Variants in PTPRT observed in about 807,000 individuals in gnomAD.
PTPRT encodes protein tyrosine phosphatase receptor type T.
Under a neutral mutation model 176.8 loss-of-function variants are expected in PTPRT, and 56 were observed. The ratio of observed to expected loss-of-function variants is 0.32; its 90% CI spans 0.26 to 0.40. The LOEUF (loss-of-function observed/expected upper bound fraction) is 0.40. Ranked by LOEUF, PTPRT falls within the 10% of genes least tolerant of loss-of-function variation. The pLI, the probability that PTPRT is intolerant of heterozygous loss-of-function variation, is 1.00. For synonymous variants in PTPRT, 783 were observed against 739.0 expected (o/e 1.06, Z -0.96); for missense variants, 1,540 against 1,908.2 (o/e 0.81, Z 3.60).
At chr20:42,688,577 G>A (rs1176648274) in intron 6 of PTPRT, 1 of 152,138 alleles carries the variant, frequency 6.6e-6, no homozygotes, top group East Asian at 1.9e-4. Flanking sequence ...GTGTGATTTA[G>A]GGTTTCCCTC....
intron 2 of PTPRT, among the ~76,000 whole-genome samples, chr20:42,860,930 G>T (rs187315207): frequency 6.6e-6 from 1 of 152,092 alleles, no homozygotes; most frequent in East Asian, 1.9e-4. Flanking sequence ...TGTTAGTTTG[G>T]AATAGACAGG....
At chr20:42,148,260 A>ATT (rs34255255) in intron 17 of PTPRT, among the ~76,000 whole-genome samples, 1,288 of 114,006 alleles carry the variant, frequency 0.011, 19 homozygotes, top group African/African-American at 0.032. Flanking sequence ...CAAGGCAGTC[A>ATT]TTTTTTTTTT....
At chr20:42,822,966 G>A (rs954480702) in intron 2 of PTPRT, among the ~76,000 whole-genome samples, 7 of 152,110 alleles carry the variant, frequency 4.6e-5, no homozygotes, top group African/African-American at 7.2e-5. Context: ...AACCATTGTT[G>A]AAAACAGTAT....
chr20:42,562,022 A>G (rs1306059232), intron 7 of PTPRT, among the ~76,000 whole-genome samples: 1 of 149,952 alleles, frequency 6.7e-6, no homozygotes, highest in Non-Finnish European at 1.5e-5. Context: ...GGTCTAAAAC[A>G]TTAACTCAGA....
chr20:42,265,386 A>G (rs1445698892), intron 13 of PTPRT, among the ~76,000 whole-genome samples: 2 of 152,208 alleles, frequency 1.3e-5, no homozygotes, highest in African/African-American at 4.8e-5. Flanking sequence ...GTGACTACTA[A>G]CAGTACTCTA....
intron 7 of PTPRT, among the ~76,000 whole-genome samples, chr20:42,666,304 G>A (rs1479710970): frequency 6.6e-6 from 1 of 151,900 alleles, no homozygotes; most frequent in Non-Finnish European, 1.5e-5. Context: ...ATATTTGAAT[G>A]CCTATTTATT....
chr20:42,478,754 A>G (rs2071332868), intron 7 of PTPRT, among the ~76,000 whole-genome samples: 1 of 152,064 alleles, frequency 6.6e-6, no homozygotes, highest in South Asian at 2.1e-4. Context: ...TTAACCTGCT[A>G]TCATATGTCT....
intron 5 of PTPRT, among the ~76,000 whole-genome samples, chr20:42,761,722 T>C (rs1305880473): frequency 6.6e-6 from 1 of 152,208 alleles, no homozygotes; most frequent in Non-Finnish European, 1.5e-5. Flanking sequence ...AAAATGCACA[T>C]CTTGATTCAG....
intron 9 of PTPRT, among the ~76,000 whole-genome samples, chr20:42,383,772 T>G (rs1468893822): frequency 1.3e-5 from 2 of 152,186 alleles, no homozygotes; most frequent in African/African-American, 4.8e-5. Context: ...GTTCTAGATG[T>G]GACATCTTGA....
intron 15 of PTPRT, among the ~76,000 whole-genome samples, chr20:42,222,803 C>T (rs2055915584): frequency 6.6e-6 from 1 of 152,170 alleles, no homozygotes; most frequent in Non-Finnish European, 1.5e-5. Context: ...GTGAGCTGCT[C>T]TAGCAGCTCT....
chr20:42,842,315 C>T (rs6065546), intron 2 of PTPRT, among the ~76,000 whole-genome samples: 13,278 of 152,254 alleles, frequency 0.087, 708 homozygotes, highest in Admixed American at 0.15. Context: ...GCCAGTGCTA[C>T]AAGGGAGCTG....
chr20:42,636,963 T>C (rs1419296019), intron 7 of PTPRT, among the ~76,000 whole-genome samples: 6 of 151,988 alleles, frequency 3.9e-5, no homozygotes, highest in Non-Finnish European at 7.4e-5. Flanking sequence ...TGATGAAATA[T>C]AGCACTCAAA....
intron 1 of PTPRT, among the ~76,000 whole-genome samples, chr20:42,991,275 T>G (rs140648877): frequency 6.6e-6 from 1 of 152,082 alleles, no homozygotes; most frequent in South Asian, 2.1e-4. Context: ...TGTTCTGAAG[T>G]CTGAAAAGTT....
chr20:42,280,448 C>A (rs1275779724), intron 13 of PTPRT, among the ~76,000 whole-genome samples: 1 of 152,126 alleles, frequency 6.6e-6, no homozygotes, highest in African/African-American at 2.4e-5. Context: ...AGTGTTGGAT[C>A]TCACCAAATT....
At chr20:42,548,660 TCAGTAAAATAAG>T (rs1351238905) in intron 7 of PTPRT, among the ~76,000 whole-genome samples, 1 of 152,086 alleles carries the variant, frequency 6.6e-6, no homozygotes, top group Admixed American at 6.6e-5. Context: ...GGATGTATAT[TCAGTAAAATAAG>T]CAGAACACAG....
rs1362164997 is a variant in PTPRT, at chr20:42,210,360, C to T, written c.2343-10972G>A. On this transcript the variant is annotated intron_variant, in intron 15 of 30. Transcript: ENST00000373187. Reference sequence around the variant, plus strand: ...TTAGGAAAAGAGGAAGTCAAATTGTCCCTGTTTGCAGATGACATGATTGTA... The same window carrying T: ...TTAGGAAAAGAGGAAGTCAAATTGTTCCTGTTTGCAGATGACATGATTGTA... Among the ~76,000 whole-genome samples the T allele has an allele frequency of 1.2e-3, 185 of 152,022 alleles. 1 individual carries two copies. The highest frequency in any genetic ancestry group is 0.012 in the Admixed American group (185 of 15,278).
intron 7 of PTPRT, among the ~76,000 whole-genome samples, chr20:42,574,333 T>A (rs2073219180): frequency 6.6e-6 from 1 of 152,174 alleles, no homozygotes; most frequent in Non-Finnish European, 1.5e-5. Flanking sequence ...CTGTACATTA[T>A]CACTATTGAC....
chr20:42,834,266 C>T (rs2078142927), intron 2 of PTPRT, among the ~76,000 whole-genome samples: 1 of 152,092 alleles, frequency 6.6e-6, no homozygotes, highest in Non-Finnish European at 1.5e-5. Context: ...AACATCATTA[C>T]TCATTAGGGG....
chr20:42,091,383 G>T (rs1984603096), intron 27 of PTPRT, among the ~76,000 whole-genome samples: 1 of 152,190 alleles, frequency 6.6e-6, no homozygotes, highest in African/African-American at 2.4e-5. Flanking sequence ...ATGCTCCGAT[G>T]AGTTGAATGA....
Sources: gnomAD v4.1 joint callset for allele counts (sites outside exome capture counted in the v4.1 genomes callset) on GRCh38, gnomAD v4.1.1 for gene constraint, MANE v1.5 for transcripts, NCBI Gene and HGNC (gene_info 2026-07-23, HGNC 2026-07-21) for gene names.